AGMO: variants seen among roughly 807,000 people sequenced by gnomAD.
AGMO encodes alkylglycerol monooxygenase, also known as glyceryl-ether monooxygenase.
A neutral mutation model predicts 60.2 loss-of-function variants in AGMO; 75 were observed. That is an observed-to-expected ratio of 1.25 (90% confidence interval 1.03 to 1.51). AGMO has a LOEUF of 1.51. Among genes scored for constraint, AGMO ranks in the 40% most tolerant of loss-of-function variants. The pLI is 0.00. For synonymous variants in AGMO, 261 were observed against 177.1 expected, an observed-to-expected ratio of 1.47 and a Z score of -3.76; for missense variants, 763 against 525.5, an observed-to-expected ratio of 1.45 and a Z score of -4.42.
At chr7:15,427,429 A>G (rs2128497127) in intron 4 of AGMO, among the ~76,000 whole-genome samples, 1 of 152,302 alleles carries the variant, frequency 6.6e-6, no homozygotes, top group African/African-American at 2.4e-5. Context: ...CAGGTACATT[A>G]GTATTAATCG....
At chr7:15,530,681 T>C (rs966617585) in intron 3 of AGMO, among the ~76,000 whole-genome samples, 8 of 141,604 alleles carry the variant, frequency 5.6e-5, no homozygotes, top group African/African-American at 1.8e-4. Flanking sequence ...ATATATATTC[T>C]ATATATGTAT....
At chr7:15,164,632 C>A in the AGMO span, among the ~76,000 whole-genome samples, 1 of 152,038 alleles carries the variant, frequency 6.6e-6, no homozygotes, top group Admixed American at 6.6e-5. Context: ...TGCTCATCCT[C>A]ACTAATTTTC....
chr7:15,548,463 G>A (rs1489170991), intron 2 of AGMO, among the ~76,000 whole-genome samples: 3 of 151,872 alleles, frequency 2.0e-5, no homozygotes, highest in Non-Finnish European at 4.4e-5. Context: ...ATACAGAGAA[G>A]TGCTTAAAGG....
the AGMO span, among the ~76,000 whole-genome samples, chr7:15,145,841 G>T: frequency 2.6e-5 from 4 of 152,026 alleles, no homozygotes; most frequent in African/African-American, 9.7e-5. Context: ...TTCTTCCAAA[G>T]CAGAGCAAAT....
the AGMO span, among the ~76,000 whole-genome samples, chr7:15,130,653 T>C: frequency 6.6e-6 from 1 of 152,162 alleles, no homozygotes; most frequent in African/African-American, 2.4e-5. Flanking sequence ...ATGTTAGCTA[T>C]ATAATTGTTA....
At chr7:15,455,415 AC>A (rs1410962997) in intron 3 of AGMO, among the ~76,000 whole-genome samples, 8 of 152,042 alleles carry the variant, frequency 5.3e-5, no homozygotes, top group Non-Finnish European at 1.2e-4. Context: ...ACTTTGGGTC[AC>A]CAGCTTCCTA....
the AGMO span, among the ~76,000 whole-genome samples, chr7:15,177,903 G>C: frequency 2.5e-3 from 378 of 152,110 alleles, 2 homozygotes; most frequent in Middle Eastern, 0.014. Context: ...TTATGACTCC[G>C]ATGTCCACCA....
chr7:15,541,997 T>C (rs1470357570), intron 3 of AGMO, among the ~76,000 whole-genome samples: 1 of 152,196 alleles, frequency 6.6e-6, no homozygotes, highest in Admixed American at 6.6e-5. Context: ...TTGGAATTAT[T>C]GAAATTTTTC....
At chr7:15,402,037 A>G (rs1784564092) in intron 5 of AGMO, among the ~76,000 whole-genome samples, 1 of 149,312 alleles carries the variant, frequency 6.7e-6, no homozygotes, top group African/African-American at 2.4e-5. Context: ...GAAGGGAAAT[A>G]CTAAGCCCAG....
chr7:15,157,956 C>G, the AGMO span, among the ~76,000 whole-genome samples: 3 of 152,038 alleles, frequency 2.0e-5, no homozygotes, highest in African/African-American at 7.2e-5. Context: ...GGGCTCTTGC[C>G]TTGAATATTC....
chr7:15,271,749 C>A (rs370516611), intron 12 of AGMO, among the ~76,000 whole-genome samples: 1 of 152,036 alleles, frequency 6.6e-6, no homozygotes, highest in Non-Finnish European at 1.5e-5. Context: ...TGTTCTGGTT[C>A]TTAGGGAAAA....
At chr7:15,482,898 G>C (rs929772292) in intron 3 of AGMO, among the ~76,000 whole-genome samples, 9 of 152,150 alleles carry the variant, frequency 5.9e-5, no homozygotes, top group African/African-American at 1.9e-4. Flanking sequence ...CATGTCAATA[G>C]ATGTAGAAAA....
At chr7:15,196,706 A>T (rs536597778), downstream of AGMO, among the ~76,000 whole-genome samples, 1 of 152,352 alleles carries the variant, frequency 6.6e-6, no homozygotes, top group South Asian at 2.1e-4. Context: ...TGCATAAAGC[A>T]AAGACTGTGT....
intron 3 of AGMO, among the ~76,000 whole-genome samples, chr7:15,529,647 C>CAA (rs1554283103): frequency 6.7e-4 from 5 of 7,422 alleles, no homozygotes; most frequent in African/African-American, 2.0e-3. Flanking sequence ...TATATATATA[C>CAA]TATATATTCT....
At chr7:15,559,007 T>C (rs2115315220) in intron 2 of AGMO, among the ~76,000 whole-genome samples, 1 of 152,206 alleles carries the variant, frequency 6.6e-6, no homozygotes, top group African/African-American at 2.4e-5. Context: ...AGGGAATCTT[T>C]CCTCACCCTC....
At chr7:15,224,612 A>G (rs1563042860) in intron 12 of AGMO, among the ~76,000 whole-genome samples, 1 of 152,020 alleles carries the variant, frequency 6.6e-6, no homozygotes, top group Non-Finnish European at 1.5e-5. Flanking sequence ...ATAGCACTCA[A>G]ACTGACTAAG....
At chr7:15,131,212 T>TTTCA in the AGMO span, among the ~76,000 whole-genome samples, 4 of 152,276 alleles carry the variant, frequency 2.6e-5, no homozygotes, top group Admixed American at 2.6e-4. Flanking sequence ...GTAGAACAGT[T>TTTCA]TTCATCATTG....
At chr7:15,392,370 C>T (rs567897567) in intron 6 of AGMO, among the ~76,000 whole-genome samples, 24 of 152,200 alleles carry the variant, frequency 1.6e-4, no homozygotes, top group African/African-American at 5.5e-4. Flanking sequence ...CATGCCCGGC[C>T]CTATTTCCTT....
chr7:15,344,912 G>A (rs960597852), intron 12 of AGMO, among the ~76,000 whole-genome samples: 3 of 152,136 alleles, frequency 2.0e-5, no homozygotes, highest in African/African-American at 7.2e-5. Context: ...TCCCTGTGGA[G>A]ACTGTTGTTT....
Sources: allele counts gnomAD v4.1 joint callset (sites outside exome capture counted in the v4.1 genomes callset), GRCh38; gene constraint gnomAD v4.1.1; transcripts MANE v1.5; gene names NCBI Gene and HGNC (gene_info 2026-07-23, HGNC 2026-07-21).